The following TACC2 variants were observed in gnomAD, a reference collection of about 807,000 sequenced individuals.
TACC2 encodes transforming acidic coiled-coil containing protein 2, also known as transforming acidic coiled-coil-containing protein 2.
A neutral mutation model predicts 227.3 loss-of-function variants in TACC2; 137 were observed. The observed-to-expected ratio is 0.60, with a 90% CI of 0.52 to 0.69. The LOEUF is 0.69. TACC2 is among the 30% of genes least tolerant of loss of function. The pLI is 0.00. For synonymous variants in TACC2, 1,523 were observed against 1,487.5 expected, an observed-to-expected ratio of 1.02 and a Z score of -0.55; for missense variants, 3,470 against 3,694.4, an observed-to-expected ratio of 0.94 and a Z score of 1.57.
intron 5 of TACC2, among the ~76,000 whole-genome samples, chr10:122,131,813 G>C (rs116483714): frequency 0.016 from 2,394 of 151,874 alleles, 56 homozygotes; most frequent in African/African-American, 0.053. Flanking sequence ...CTTGAACCTA[G>C]GAGTTTGAGA....
chr10:122,234,561 A>G (rs1267329530), intron 16 of TACC2, among the ~76,000 whole-genome samples: 1 of 152,216 alleles, frequency 6.6e-6, no homozygotes, highest in East Asian at 1.9e-4. Context: ...CAGAGTGTAC[A>G]CAATGCATTT....
intron 2 of TACC2, chr10:122,033,124 C>G: frequency 2.3e-6 from 3 of 1,289,436 alleles, no homozygotes; most frequent in Non-Finnish European, 3.0e-6. Context: ...TAACGTCATT[C>G]TGTGGCCTCC....
chr10:122,254,346 T>C lies in TACC2; in HGVS notation c.*290T>C. 1 of 434,736 alleles carries C rather than the reference T, an allele frequency of 2.3e-6. No individual in the cohort carries two copies. The highest frequency in any genetic ancestry group is 4.2e-6 in the Non-Finnish European group (1 of 235,380). 26.9% of individuals were successfully genotyped at this position (434,736 alleles called of 1,614,324 possible). ...AAAAGACACATTGCTGACCTTGGCC[T>C]TGCCCTTTGTACACAAGTTCCCAGG... is the stretch of plus-strand genomic sequence containing the variant. On this transcript the variant is annotated 3_prime_UTR_variant, in exon 23 of 23. Coordinates refer to ENST00000369005, the MANE Select transcript of TACC2 (RefSeq NM_206862.4).
intron 6 of TACC2, among the ~76,000 whole-genome samples, chr10:122,143,020 G>A (rs547521768): frequency 2.2e-4 from 34 of 152,250 alleles, no homozygotes; most frequent in African/African-American, 3.1e-4. Flanking sequence ...TTCCCTACTC[G>A]AGGGCCACAC....
chr10:122,135,403 CGGCCAGT>C (rs1424092456), intron 6 of TACC2, among the ~76,000 whole-genome samples: 5 of 152,228 alleles, frequency 3.3e-5, no homozygotes, highest in African/African-American at 1.2e-4. Flanking sequence ...GCTGAGAACT[CGGCCAGT>C]TTCATGGCCT....
intron 2 of TACC2, among the ~76,000 whole-genome samples, chr10:122,045,347 GC>G (rs2074850008): frequency 6.6e-6 from 1 of 152,204 alleles, no homozygotes. Context: ...GCAGCGTAAG[GC>G]AGGGACAAGA....
intron 3 of TACC2, among the ~76,000 whole-genome samples, chr10:122,061,670 C>T (rs1355054055): frequency 6.6e-6 from 1 of 152,138 alleles, no homozygotes; most frequent in African/African-American, 2.4e-5. Context: ...CAACACGGGC[C>T]CACTACACAC....
chr10:122,110,895 G>A (rs1224749091), intron 5 of TACC2, among the ~76,000 whole-genome samples: 3 of 152,148 alleles, frequency 2.0e-5, no homozygotes, highest in Admixed American at 1.3e-4. Context: ...TCAAGGTTTC[G>A]GTAGTGTTGT....
At chr10:122,232,446 A>C (rs1244925180) in intron 16 of TACC2, among the ~76,000 whole-genome samples, 2 of 152,204 alleles carry the variant, frequency 1.3e-5, no homozygotes, top group Non-Finnish European at 2.9e-5. Flanking sequence ...CTTTTTGTCA[A>C]TTACAGGCTG....
At chr10:121,991,982 G>A (rs180872554) in intron 1 of TACC2, among the ~76,000 whole-genome samples, 1 of 152,290 alleles carries the variant, frequency 6.6e-6, no homozygotes, top group Non-Finnish European at 1.5e-5. Context: ...CAGATTTCGT[G>A]AGACTTATTC....
Position 122,210,556 on chromosome 10 carries a change from A to G in TACC2, c.6131A>G (p.Glu2044Gly). Residue 2044 changes from glutamate (E) to glycine (G), a missense_variant, in exon 9 of 23, where the codon GAG becomes GGG. Transcript: ENST00000369005. This position sits in a 1 kb window ranked among gnomAD's most constrained non-coding sequence, Gnocchi z 4.6. ...GTYNLDFDNIELVDTFQTLEP... is the reference protein window; with the variant it reads ...GTYNLDFDNIGLVDTFQTLEP... The stretch of plus-strand genomic sequence containing the variant: ...TACAACTTGGACTTTGACAACATTG[A>G]GCTTGTGGATACCTTTCAGACCTTG... 3 of 1,614,120 alleles carry G rather than the reference A, an allele frequency of 1.9e-6. No homozygotes were observed. Among genetic ancestry groups the G allele is most frequent in the Non-Finnish European group, 8.5e-7 (1 of 1,180,014 alleles).
At position 122,020,818 on chromosome 10, in the gene TACC2, A is replaced by G. The variant is rs527272794; in HGVS notation, c.-45-1119A>G. Among the ~76,000 whole-genome samples, 9 of 152,320 alleles carry G rather than the reference A, an allele frequency of 5.9e-5. 1 individual carries two copies. The South Asian group carries it at 1.9e-3, about 32-fold the overall frequency. Reference sequence around the variant, plus strand: ...GTAATTTAGTTTTTCTAACTAGAAAAAGTGAAGGTAACACCTCTAGGCCTG... The same window carrying G: ...GTAATTTAGTTTTTCTAACTAGAAAGAGTGAAGGTAACACCTCTAGGCCTG... On this transcript the variant is annotated intron_variant, in intron 1 of 22. Transcript: ENST00000369005.
intron 7 of TACC2, chr10:122,163,814 C>T (rs2092978089): frequency 1.4e-6 from 2 of 1,439,406 alleles, no homozygotes; most frequent in South Asian, 1.5e-5. Context: ...CTCCCCTCTG[C>T]AGTGCAGCAA....
Position 122,210,284 on chromosome 10 carries a change from TG to T in TACC2, c.5972-109del. On this transcript the variant is annotated intron_variant, in intron 8 of 22. Transcript: ENST00000369005. The surrounding 1 kb of genome is among the most constrained non-coding windows in gnomAD (Gnocchi z 4.6). The stretch of plus-strand genomic sequence containing the variant: ...ACACACAGTGATGGGCGGGGTGGCC[TG>T]GGGCCGTGGTTTGTCAACCCCTACG... 1.2e-6 allele frequency: 1 copy of T among 821,332 alleles called. No individual in the cohort carries two copies. Among genetic ancestry groups the T allele is most frequent in the Non-Finnish European group, 2.0e-6 (1 of 491,900 alleles). 50.9% of individuals were successfully genotyped at this position (821,332 alleles called of 1,614,324 possible).
chr10:122,073,106 C>CAAAAAAA (rs1164376721), intron 3 of TACC2, among the ~76,000 whole-genome samples: 7 of 19,420 alleles, frequency 3.6e-4, no homozygotes, highest in African/African-American at 1.4e-3. Context: ...GACTCTGTCT[C>CAAAAAAA]AAAAAAAAAA....
chr10:122,202,704 G>C (rs3981021), intron 8 of TACC2, among the ~76,000 whole-genome samples: 34,539 of 75,812 alleles, frequency 0.46, 7,680 homozygotes, highest in East Asian at 0.65. Flanking sequence ...GTGTTTCTCG[G>C]AGAGGGGGAT....
At chr10:122,073,126 A>AATATATATATAT (rs1167084872) in intron 3 of TACC2, among the ~76,000 whole-genome samples, 2 of 71,012 alleles carry the variant, frequency 2.8e-5, no homozygotes, top group African/African-American at 1.2e-4. Flanking sequence ...AAAAAAAAAA[A>AATATATATATAT]ATATATATAT....
chr10:122,022,869 A>G (rs1957490788), intron 2 of TACC2: 1 of 152,248 alleles, frequency 6.6e-6, no homozygotes. Flanking sequence ...TTCATTATCT[A>G]TTTTAAGTTT....
chr10:122,207,123 A>T (rs1315947948), intron 8 of TACC2, among the ~76,000 whole-genome samples: 1 of 151,186 alleles, frequency 6.6e-6, no homozygotes, highest in Admixed American at 6.6e-5. Context: ...ACATAATGAA[A>T]CCCCATCTCT....
Sources: allele counts gnomAD v4.1 joint callset (sites outside exome capture counted in the v4.1 genomes callset), GRCh38; gene constraint gnomAD v4.1.1; non-coding constraint Gnocchi (gnomAD v3.1); transcripts MANE v1.5; gene names NCBI Gene and HGNC (gene_info 2026-07-23, HGNC 2026-07-21).